The following SYCE2 variants were observed in gnomAD, a reference collection of about 807,000 sequenced individuals.
SYCE2 encodes the protein synaptonemal complex central element protein 2.
SYCE2 carries 3 observed loss-of-function variants against 27.9 expected under a neutral mutation model. The observed-to-expected ratio is 0.11, with a 90% CI of 0.05 to 0.28. SYCE2 has a LOEUF of 0.28. Among genes scored for constraint, SYCE2 ranks in the 10% least tolerant of loss-of-function variants. SYCE2 has a pLI of 1.00. For missense variants in SYCE2, 207 were observed against 263.5 expected, an observed-to-expected ratio of 0.79 and a Z score of 1.48; for synonymous variants, 85 against 100.7, an observed-to-expected ratio of 0.84 and a Z score of 0.93.
Position 12,901,805 on chromosome 19 carries a change from C to T in SYCE2, c.307-1157G>A, listed in dbSNP as rs192497795. Among the ~76,000 whole-genome samples, 70 of 151,986 alleles carry T rather than the reference C, an allele frequency of 4.6e-4. No homozygotes were observed. The East Asian group carries it at 0.012, about 27-fold the overall frequency. On this transcript the variant is annotated intron_variant, in intron 3 of 5. Coordinates refer to ENST00000293695, the MANE Select transcript of SYCE2 (RefSeq NM_001105578.2). Reference sequence around the variant, plus strand: ...TAACTTTTTGTATTTTTAGTAGAAACGGGGTTTCACCATGTTAGCCAGGCT... The same window carrying T: ...TAACTTTTTGTATTTTTAGTAGAAATGGGGTTTCACCATGTTAGCCAGGCT...
intron 2 of SYCE2, among the ~76,000 whole-genome samples, chr19:12,907,148 G>A (rs1380739979): frequency 6.6e-6 from 1 of 152,032 alleles, no homozygotes; most frequent in Non-Finnish European, 1.5e-5. Flanking sequence ...CCATGTTCCC[G>A]GCACTGAGCT....
At chr19:12,919,097 T>C (rs1446458356) in intron 1 of SYCE2, 146 bp downstream of exon 1, 2 of 1,057,836 alleles carry the variant, frequency 1.9e-6, no homozygotes, top group South Asian at 1.3e-5. Context: ...GTCAGGAAAT[T>C]TGAGGCCAGG....
chr19:12,911,208 C>G (rs1971040449), intron 2 of SYCE2, among the ~76,000 whole-genome samples: 1 of 151,922 alleles, frequency 6.6e-6, no homozygotes, highest in South Asian at 2.1e-4. Flanking sequence ...AACTCCTGGC[C>G]TCAAAAAATC....
At chr19:12,910,545 G>A (rs3115524) in intron 2 of SYCE2, among the ~76,000 whole-genome samples, 93,044 of 151,058 alleles carry the variant, frequency 0.62, 29,116 homozygotes, top group East Asian at 0.84. Context: ...GCTAATTTTT[G>A]TATTTTTAGT....
At chr19:12,899,691 C>T in intron 5 of SYCE2, 1 of 1,612,442 alleles carries the variant, frequency 6.2e-7, no homozygotes, top group Non-Finnish European at 8.5e-7. Flanking sequence ...CAAAATTTCC[C>T]TTCTGAAGTC....
chr19:12,908,321 T>A (rs1177074554), intron 2 of SYCE2, among the ~76,000 whole-genome samples: 6 of 138,410 alleles, frequency 4.3e-5, no homozygotes, highest in Non-Finnish European at 9.2e-5. Context: ...AGTCTCACCC[T>A]GGGCTTCTTT....
At chr19:12,917,937 G>A (rs553356374) in intron 2 of SYCE2, among the ~76,000 whole-genome samples, 18 of 152,224 alleles carry the variant, frequency 1.2e-4, no homozygotes, top group African/African-American at 3.9e-4. Context: ...GGGATTACAG[G>A]TGTGAACCAC....
intron 2 of SYCE2, among the ~76,000 whole-genome samples, chr19:12,912,575 C>A (rs1413089492): frequency 6.6e-6 from 1 of 152,176 alleles, no homozygotes; most frequent in East Asian, 1.9e-4. Flanking sequence ...CCTCCTCGTA[C>A]CCAGTTCACC....
At position 12,899,112 on chromosome 19, in the gene SYCE2, TG is replaced by T; in HGVS notation, c.*228del. On this transcript the variant is annotated 3_prime_UTR_variant, in exon 6 of 6. Coordinates refer to ENST00000293695, the MANE Select transcript of SYCE2 (RefSeq NM_001105578.2). ...TCAAACATTTAATAAACTGTGGGGC[TG>T]GGGGTGGGGAGAACTTGCCAAGGGT... The T allele has an allele frequency of 1.8e-6, 1 of 563,740 alleles. No individual in the cohort carries two copies. The highest frequency in any genetic ancestry group is 2.1e-5 in the South Asian group (1 of 47,842). 34.9% of individuals were successfully genotyped at this position (563,740 alleles called of 1,614,324 possible).
chr19:12,915,512 G>T (rs562606081), intron 2 of SYCE2, among the ~76,000 whole-genome samples: 65 of 148,678 alleles, frequency 4.4e-4, no homozygotes, highest in African/African-American at 1.6e-3. Context: ...TAAGGCAGGA[G>T]AATTGCTTGA....
chr19:12,919,126 C>T (rs543571073), intron 1 of SYCE2, 117 bp downstream of exon 1: 1 of 1,374,528 alleles, frequency 7.3e-7, no homozygotes, highest in African/African-American at 1.4e-5. Flanking sequence ...GAGGGAGCCC[C>T]AATGGCAAAG....
rs747799509 is a variant in SYCE2, at chr19:12,904,559, T to C, written c.239A>G (p.Asn80Ser). The C allele has an allele frequency of 1.1e-5, 17 of 1,614,048 alleles. No individual in the cohort carries two copies. The East Asian group carries it at 3.8e-4, about 36-fold the overall frequency. Residue 80 changes from asparagine (N) to serine (S), a missense_variant, in exon 3 of 6, where the codon AAC becomes AGC. Physicochemically the swap from Asn to Ser is conservative, Grantham distance 46. Transcript: ENST00000293695. ...GTCCTTTTGCCGGCTCTTGTTGATG[T>C]TTTCGATCAGCTCCTGGGCTCTCTT... is the stretch of plus-strand genomic sequence containing the variant. ...LQKRAQELIE[N>S]INKSRQKDHA...
chr19:12,899,626 T>C, intron 5 of SYCE2: 2 of 1,612,884 alleles, frequency 1.2e-6, no homozygotes, highest in Non-Finnish European at 1.7e-6. Flanking sequence ...GCTCTGAGCT[T>C]AGAAAGGGAG....
intron 2 of SYCE2, among the ~76,000 whole-genome samples, chr19:12,913,059 GCCGAACCCTGGA>G (rs1371301201): frequency 6.6e-6 from 1 of 152,180 alleles, no homozygotes; most frequent in African/African-American, 2.4e-5. Context: ...GGCTTCTGTT[GCCGAACCCTGGA>G]CCGAGGCCAG....
intron 5 of SYCE2, 175 bp from the exon 6 acceptor site, chr19:12,899,560 C>T (rs573244499): frequency 3.0e-5 from 48 of 1,613,806 alleles, no homozygotes; most frequent in Middle Eastern, 3.3e-4. Flanking sequence ...ATCAGGGGCC[C>T]GAAACTCTCA....
chr19:12,900,357 C>T lies in SYCE2; in HGVS notation c.495+103G>A, dbSNP rs772497833. The T allele has an allele frequency of 6.5e-5, 85 of 1,303,648 alleles. 1 individual carries two copies. Among genetic ancestry groups the T allele is most frequent in the Admixed American group, 1.8e-4 (7 of 39,448 alleles). The allele number at this position is 1,303,648 out of a possible 1,614,324, so 80.8% of individuals were successfully genotyped here. On this transcript the variant is annotated intron_variant, in intron 4 of 5. Coordinates refer to ENST00000293695, the MANE Select transcript of SYCE2 (RefSeq NM_001105578.2). The stretch of plus-strand genomic sequence containing the variant: ...GGGCTTTGCAGGGACTGTGGCCTGG[C>T]GGGGTCAGGGCTGGGTGCCTGGTTT...
intron 2 of SYCE2, among the ~76,000 whole-genome samples, chr19:12,915,084 G>A (rs1341575476): frequency 2.0e-5 from 3 of 152,176 alleles, no homozygotes; most frequent in African/African-American, 7.2e-5. Flanking sequence ...AAAACCACCC[G>A]AATGACTATC....
rs71168635 is a variant in SYCE2 at position 12,917,659 on chromosome 19, C to CTTT, written c.131+560_131+562dup. Among the ~76,000 whole-genome samples, 13 of 79,394 alleles carry CTTT rather than the reference C, an allele frequency of 1.6e-4. 1 individual carries two copies. Among genetic ancestry groups the CTTT allele is most frequent in the African/African-American group, 2.8e-4 (5 of 17,814 alleles). 52.1% of individuals were successfully genotyped at this position (79,394 alleles called of 152,430 possible). A position where few individuals can be genotyped will look rare whatever the true frequency, so the allele number is the denominator to read the frequency against. ...TACAGGCATAAGCCACCATTCCTGG[C>CTTT]TTTTTTTTTTTTTTTTTGAGACAGC... On this transcript the variant is annotated intron_variant, in intron 2 of 5. Coordinates refer to ENST00000293695, the MANE Select transcript of SYCE2 (RefSeq NM_001105578.2).
chr19:12,909,542 C>T (rs980084944), intron 2 of SYCE2, among the ~76,000 whole-genome samples: 4 of 152,104 alleles, frequency 2.6e-5, no homozygotes, highest in South Asian at 2.1e-4. Flanking sequence ...TCATTTCTAC[C>T]TTCTTTGTTT....
Sources: allele counts gnomAD v4.1 joint callset (sites outside exome capture counted in the v4.1 genomes callset), GRCh38; gene constraint gnomAD v4.1.1; transcripts MANE v1.5; gene names NCBI Gene and HGNC (gene_info 2026-07-23, HGNC 2026-07-21).